EYS: variants seen among roughly 807,000 people sequenced by gnomAD.
The protein encoded by EYS is EGF-like photoreceptor maintenance factor.
A neutral mutation model predicts 282.1 loss-of-function variants in EYS; 250 were observed. The observed-to-expected ratio is 0.89, with a 90% CI of 0.80 to 0.98. The LOEUF (loss-of-function observed/expected upper bound fraction) is 0.98, where lower values mean the gene tolerates loss of function less well. Ranked by LOEUF, EYS falls within the 50% of genes least tolerant of loss-of-function variation. EYS has a pLI of 0.00. For missense variants in EYS, 4,016 were observed against 3,709.0 expected (o/e 1.08, Z -2.15); for synonymous variants, 1,355 against 1,282.9 (o/e 1.06, Z -1.20).
rs187508860 is a variant in EYS, at chr6:64,610,372, T to A, written c.3684+7046A>T. 6.0e-3 allele frequency among the ~76,000 whole-genome samples: 907 copies of A among 151,672 alleles called. 3 individuals are homozygous for A. The highest frequency in any genetic ancestry group is 9.6e-3 in the Non-Finnish European group (650 of 67,900). On this transcript the variant is annotated intron_variant, in intron 24 of 42. Coordinates refer to ENST00000503581, the MANE Select transcript of EYS (RefSeq NM_001142800.2). ...TGAGGTGGTCATTATTTTACCATAC[T>A]CCATTTACCAATAAAAACTGCTGTT...
chr6:65,237,078 A>C (rs1291778437), intron 12 of EYS, among the ~76,000 whole-genome samples: 1 of 152,214 alleles, frequency 6.6e-6, no homozygotes, highest in Admixed American at 6.6e-5. Flanking sequence ...ATACAAAATG[A>C]AAATCTAAAA....
intron 1 of EYS, among the ~76,000 whole-genome samples, chr6:65,651,101 T>C (rs1216327780): frequency 6.6e-6 from 1 of 152,040 alleles, no homozygotes. Context: ...GTCTATTAAA[T>C]TATATAGTGG....
intron 22 of EYS, among the ~76,000 whole-genome samples, chr6:64,795,198 G>T (rs1774317253): frequency 6.7e-6 from 1 of 150,018 alleles, no homozygotes. Flanking sequence ...TCACATCATT[G>T]CACTCCAGCA....
chr6:64,873,045 A>G (rs1014772585), intron 19 of EYS, among the ~76,000 whole-genome samples: 1 of 152,104 alleles, frequency 6.6e-6, no homozygotes, highest in Non-Finnish European at 1.5e-5. Context: ...ACTAAAATAG[A>G]GCATTGTATT....
chr6:64,188,725 C>T (rs1379105591), intron 31 of EYS, among the ~76,000 whole-genome samples: 1 of 151,764 alleles, frequency 6.6e-6, no homozygotes, highest in Non-Finnish European at 1.5e-5. Flanking sequence ...TGATTAAAAG[C>T]CTGACATATA....
intron 31 of EYS, among the ~76,000 whole-genome samples, chr6:64,093,257 G>T (rs1434594612): frequency 6.6e-6 from 1 of 152,076 alleles, no homozygotes; most frequent in Non-Finnish European, 1.5e-5. Flanking sequence ...GGTTCCATAT[G>T]AACTTTAAAG....
At chr6:65,173,976 T>C (rs1765169975) in intron 12 of EYS, among the ~76,000 whole-genome samples, 1 of 151,208 alleles carries the variant, frequency 6.6e-6, no homozygotes, top group African/African-American at 2.4e-5. Context: ...TATAGCTTTT[T>C]TCTTAAAGAT....
intron 33 of EYS, among the ~76,000 whole-genome samples, chr6:64,019,179 A>G (rs1769054004): frequency 1.3e-5 from 2 of 152,144 alleles, no homozygotes; most frequent in Non-Finnish European, 2.9e-5. Flanking sequence ...TGCAACCACA[A>G]GCCAAGGAAC....
At chr6:65,619,651 T>C (rs1023374785) in intron 2 of EYS, among the ~76,000 whole-genome samples, 4 of 151,830 alleles carry the variant, frequency 2.6e-5, no homozygotes, top group South Asian at 2.1e-4. Context: ...AGGGAATGCT[T>C]CCAGTTTTTG....
intron 30 of EYS, among the ~76,000 whole-genome samples, chr6:64,247,558 T>G (rs148182776): frequency 3.9e-4 from 60 of 152,256 alleles, no homozygotes; most frequent in Non-Finnish European, 6.6e-4. Context: ...TTACCCTCTA[T>G]GCAACAAAAA....
At chr6:63,818,970 C>T (rs141223620) in intron 36 of EYS, among the ~76,000 whole-genome samples, 1 of 152,298 alleles carries the variant, frequency 6.6e-6, no homozygotes, top group African/African-American at 2.4e-5. Flanking sequence ...CACCTTGATC[C>T]CCTCCCAGGG....
intron 41 of EYS, among the ~76,000 whole-genome samples, chr6:63,746,228 T>A (rs1769207550): frequency 6.6e-6 from 1 of 152,238 alleles, no homozygotes; most frequent in Admixed American, 6.5e-5. Flanking sequence ...GGATTATGTT[T>A]ATTGATTTGC....
chr6:64,443,513 T>C (rs1775019853), intron 26 of EYS, among the ~76,000 whole-genome samples: 1 of 152,158 alleles, frequency 6.6e-6, no homozygotes, highest in Non-Finnish European at 1.5e-5. Flanking sequence ...TGTGAAATGA[T>C]AAGATTTGGC....
chr6:63,728,507 G>A (rs1768699145), intron 41 of EYS, among the ~76,000 whole-genome samples: 1 of 152,040 alleles, frequency 6.6e-6, no homozygotes, highest in Non-Finnish European at 1.5e-5. Context: ...CAACACATGC[G>A]CAGCCTTCTC....
intron 12 of EYS, among the ~76,000 whole-genome samples, chr6:65,160,980 C>T (rs1764838766): frequency 2.0e-5 from 3 of 150,846 alleles, no homozygotes; most frequent in East Asian, 2.0e-4. Flanking sequence ...TTCTCATCTA[C>T]ACTCTTTTTC....
At chr6:64,593,003 C>T in intron 25 of EYS, 114 bp downstream of exon 25, 1 of 752,540 alleles carries the variant, frequency 1.3e-6, no homozygotes, top group Non-Finnish European at 2.0e-6. Flanking sequence ...TTTTACACCC[C>T]TAAAAATCAT....
chr6:64,258,223 A>T (rs1767468010), intron 30 of EYS, among the ~76,000 whole-genome samples: 1 of 152,036 alleles, frequency 6.6e-6, no homozygotes, highest in Admixed American at 6.6e-5. Flanking sequence ...GCTTATTTCA[A>T]ATTTCTAATT....
intron 13 of EYS, among the ~76,000 whole-genome samples, chr6:65,021,669 C>A (rs1030112994): frequency 6.6e-6 from 1 of 152,188 alleles, no homozygotes; most frequent in Admixed American, 6.5e-5. Flanking sequence ...TAGAGCAGCA[C>A]CTCATTACCC....
intron 22 of EYS, among the ~76,000 whole-genome samples, chr6:64,701,029 A>T (rs1452901352): frequency 6.6e-6 from 1 of 151,868 alleles, no homozygotes; most frequent in African/African-American, 2.4e-5. Context: ...AGACCTATAG[A>T]TCAATGAAAC....
Sources: allele counts gnomAD v4.1 joint callset (sites outside exome capture counted in the v4.1 genomes callset), GRCh38; gene constraint gnomAD v4.1.1; transcripts MANE v1.5; gene names NCBI Gene and HGNC (gene_info 2026-07-23, HGNC 2026-07-21).